Variants in LCMT2 observed in about 807,000 individuals in gnomAD.
LCMT2 encodes tRNA wybutosine-synthesizing protein 4.
Under a neutral mutation model 42.0 loss-of-function variants are expected in LCMT2, and 34 were observed. That is an observed-to-expected ratio of 0.81 (90% CI 0.62 to 1.08). The LOEUF (loss-of-function observed/expected upper bound fraction) is 1.08. Ranked by LOEUF, LCMT2 falls within the 50% of genes least tolerant of loss-of-function variation. The probability of loss-of-function intolerance (pLI) is 0.00; values close to 1 mark genes in which losing one functional copy is unlikely to be tolerated. For synonymous variants in LCMT2, 445 were observed against 369.5 expected, an observed-to-expected ratio of 1.20 and a Z score of -2.34; for missense variants, 1,091 against 889.4, an observed-to-expected ratio of 1.23 and a Z score of -2.88.
Position 43,328,827 on chromosome 15 carries a change from A to C in LCMT2, c.1663T>G (p.Ser555Ala), listed in dbSNP as rs1401705711. 2 of 1,613,590 alleles carry C rather than the reference A, an allele frequency of 1.2e-6. No individual in the cohort carries two copies. The highest frequency in any genetic ancestry group is 3.3e-5 in the Admixed American group (2 of 60,020). Reference sequence around the variant, plus strand: ...AGCACAGAGTTCAATGGCTCCTCAGAAGCCCCGAGACCTCCAGCAATAAGG... The same window carrying C: ...AGCACAGAGTTCAATGGCTCCTCAGCAGCCCCGAGACCTCCAGCAATAAGG... ...GALIAGGLGA[S>A]EEPLNSVLFL... The change falls in exon 1 of 1, where the codon TCT becomes GCT. Residue 555 changes from serine (S) to alanine (A), a missense_variant. Physicochemically the swap from Ser to Ala is moderately conservative, Grantham distance 99. Transcript: ENST00000305641.
rs7048 is a variant in LCMT2 at position 43,327,875 on chromosome 15, A to C, written c.*554T>G. The C allele has an allele frequency of 0.11, 17,025 of 153,880 alleles. 1,084 individuals carry two copies. The highest frequency in any genetic ancestry group is 0.18 in the Middle Eastern group (54 of 294). The allele number at this position is 153,880 out of a possible 1,614,324, so 9.5% of individuals were successfully genotyped here. ...AAAGTATGTTGGTAAAGGAAGTCCTACAAGTGTTTCCTGTTGTTAAAACTA... is the reference window on the plus strand; with the variant it reads ...AAAGTATGTTGGTAAAGGAAGTCCTCCAAGTGTTTCCTGTTGTTAAAACTA... On this transcript the variant is annotated 3_prime_UTR_variant, in exon 1 of 1. Transcript: ENST00000305641.
rs1435434071 is a variant in LCMT2, at chr15:43,330,124, T to C, written c.366A>G (p.Lys122=). The C allele has an allele frequency of 6.2e-7, 1 of 1,611,928 alleles. No individual in the cohort carries two copies. The highest frequency in any genetic ancestry group is 1.7e-5 in the Admixed American group (1 of 60,000). ...CTGGCGTCTCTCCAATCCTTTCTGC[T>C]TTGCGCCGCGCCACGTCCGGAAAAT... ...EVDFPDVARR[K]AERIGETPEL... Residue 122 remains lysine (K), a synonymous_variant, in exon 1 of 1, where the codon AAA becomes AAG. Coordinates refer to ENST00000305641, the MANE Select transcript of LCMT2 (RefSeq NM_014793.5).
In LCMT2 at chr15:43,330,221, G is replaced by C. The variant is rs2043167363; in HGVS notation, c.269C>G (p.Ala90Gly). ...ALRAQILSLG[A>G]GFDSLYFRLK... The stretch of plus-strand genomic sequence containing the variant: ...GCGAAAATAGAGCGAGTCGAAGCCA[G>C]CGCCGAGAGACAAGATCTGCGCGCG... The change falls in exon 1 of 1, where the codon GCT (alanine) becomes GGT (glycine). Residue 90 changes from alanine to glycine, a missense_variant. Physicochemically the swap from Ala to Gly is moderately conservative, Grantham distance 60. Coordinates refer to ENST00000305641, the MANE Select transcript of LCMT2 (RefSeq NM_014793.5). The C allele has an allele frequency of 1.2e-6, 2 of 1,610,798 alleles. No individual in the cohort carries two copies. Among genetic ancestry groups the C allele is most frequent in the Admixed American group, 3.3e-5 (2 of 59,752 alleles).
In LCMT2 at chr15:43,330,339, G is replaced by A. The variant is rs1267838298; in HGVS notation, c.151C>T (p.Leu51Phe). The A allele has an allele frequency of 1.2e-6, 2 of 1,601,676 alleles. No homozygotes were observed. The highest frequency in any genetic ancestry group is 3.5e-5 in the Admixed American group (2 of 57,822). The change falls in exon 1 of 1, where the codon CTC becomes TTC. Residue 51 changes from leucine to phenylalanine, a missense_variant. Transcript: ENST00000305641. The stretch of plus-strand genomic sequence containing the variant: ...CGGACGTAGTAGCCTCGGTGAATGA[G>A]CGGTGCGCGGCGCGCCGCGCCCGGA... ...LVPGAARRAP[L>F]IHRGYYVRAR...
Position 43,328,006 on chromosome 15 carries a change from C to A in LCMT2, c.*423G>T, listed in dbSNP as rs1313435967. On this transcript the variant is annotated 3_prime_UTR_variant, in exon 1 of 1. Transcript: ENST00000305641. ...AATTGTCAATACTACGCTCCCTCAA[C>A]TATATTCAACCAAGGATCTGCGTGA... The A allele has an allele frequency of 5.9e-6, 1 of 170,592 alleles. No homozygotes were observed. The highest frequency in any genetic ancestry group is 1.6e-4 in the East Asian group (1 of 6,368). The allele number at this position is 170,592 out of a possible 1,614,324, so 10.6% of individuals were successfully genotyped here. A position where few individuals can be genotyped will look rare whatever the true frequency, so the allele number is the denominator to read the frequency against.
Position 43,329,400 on chromosome 15 carries a change from A to C in LCMT2, c.1090T>G (p.Phe364Val). The change falls in exon 1 of 1, where the codon TTC (phenylalanine) becomes GTC (valine). Residue 364 changes from phenylalanine (F) to valine (V), a missense_variant. Coordinates refer to ENST00000305641, the MANE Select transcript of LCMT2 (RefSeq NM_014793.5). ...NLKRYGHASVFLSPDVILSAG... is the reference protein window; with the variant it reads ...NLKRYGHASVVLSPDVILSAG... Reference sequence around the variant, plus strand: ...CTGAGAATAACGTCTGGGCTCAAGAAGACAGAGGCGTGGCCATATCTCTTC... The same window carrying C: ...CTGAGAATAACGTCTGGGCTCAAGACGACAGAGGCGTGGCCATATCTCTTC... 2 of 1,614,140 alleles carry C rather than the reference A, an allele frequency of 1.2e-6. No individual in the cohort carries two copies. The highest frequency in any genetic ancestry group is 1.1e-5 in the South Asian group (1 of 91,090).
rs35295618 is a variant in LCMT2, at chr15:43,324,641, G to GCAAA, written c.*3784_*3787dup. 21,584 of 131,640 alleles carry GCAAA rather than the reference G, an allele frequency of 0.16. 1,802 individuals carry two copies. Among genetic ancestry groups the GCAAA allele is most frequent in the Non-Finnish European group, 0.22 (12,769 of 57,700 alleles). The allele number at this position is 131,640 out of a possible 1,614,324, so 8.2% of individuals were successfully genotyped here. ...TCCGTCTCAAAACAAAAAACAAAAA[G>GCAAA]CAAACAAACAAACAAACAAACAAAC... On this transcript the variant is annotated 3_prime_UTR_variant, in exon 1 of 1. Transcript: ENST00000305641.
At position 43,327,847 on chromosome 15, in the gene LCMT2, T is replaced by A. The variant is rs1368927121; in HGVS notation, c.*582A>T. 1 of 153,202 alleles carries A rather than the reference T, an allele frequency of 6.5e-6. No homozygotes were observed. Among genetic ancestry groups the A allele is most frequent in the Non-Finnish European group, 1.5e-5 (1 of 68,726 alleles). 9.5% of individuals were successfully genotyped at this position (153,202 alleles called of 1,614,324 possible). A position where few individuals can be genotyped will look rare whatever the true frequency, so the allele number is the denominator to read the frequency against. Reference sequence around the variant, plus strand: ...AATATGGAACCAATAGCAAAACATTTAAAAAGTATGTTGGTAAAGGAAGTC... The same window carrying A: ...AATATGGAACCAATAGCAAAACATTAAAAAAGTATGTTGGTAAAGGAAGTC... On this transcript the variant is annotated 3_prime_UTR_variant, in exon 1 of 1. Coordinates refer to ENST00000305641, the MANE Select transcript of LCMT2 (RefSeq NM_014793.5).
At position 43,329,544 on chromosome 15, in the gene LCMT2, T is replaced by A. The variant is rs202033510; in HGVS notation, c.946A>T (p.Thr316Ser). ...GGAAACACTAGGGTGTGGGAGAGGGTGTCTCCCCTAGAAGCTGCCAGAATG... is the reference window on the plus strand; with the variant it reads ...GGAAACACTAGGGTGTGGGAGAGGGAGTCTCCCCTAGAAGCTGCCAGAATG... Reference protein sequence around the residue: ...YFILAASRGDTLSHTLVFPSS... With the variant: ...YFILAASRGDSLSHTLVFPSS... Residue 316 changes from threonine to serine, a missense_variant, in exon 1 of 1, where the codon ACC (threonine) becomes TCC (serine). Transcript: ENST00000305641. 3.9e-5 allele frequency: 63 copies of A among 1,614,014 alleles called. 1 individual carries two copies. Among genetic ancestry groups the A allele is most frequent in the Non-Finnish European group, 2.2e-5 (26 of 1,179,956 alleles).
At position 43,328,839 on chromosome 15, in the gene LCMT2, C is replaced by T. The variant is rs764382193; in HGVS notation, c.1651G>A (p.Gly551Ser). The T allele has an allele frequency of 6.2e-7, 1 of 1,613,694 alleles. No individual in the cohort carries two copies. Among genetic ancestry groups the T allele is most frequent in the East Asian group, 2.2e-5 (1 of 44,882 alleles). The change falls in exon 1 of 1, where the codon GGT becomes AGT. Residue 551 changes from glycine (G) to serine (S), a missense_variant. Physicochemically the swap from Gly to Ser is moderately conservative, Grantham distance 56. Coordinates refer to ENST00000305641, the MANE Select transcript of LCMT2 (RefSeq NM_014793.5). ...AATGGCTCCTCAGAAGCCCCGAGACCTCCAGCAATAAGGGCTCCCCCTTGC... is the reference window on the plus strand; with the variant it reads ...AATGGCTCCTCAGAAGCCCCGAGACTTCCAGCAATAAGGGCTCCCCCTTGC... Reference protein sequence around the residue: ...TWQGGALIAGGLGASEEPLNS... With the variant: ...TWQGGALIAGSLGASEEPLNS...
Position 43,330,247 on chromosome 15 carries a change from A to T in LCMT2, c.243T>A (p.Leu81=). 6.2e-7 allele frequency: 1 copy of T among 1,605,790 alleles called. No individual in the cohort carries two copies. The highest frequency in any genetic ancestry group is 8.5e-7 in the Non-Finnish European group (1 of 1,178,626). ...LEQIGAPQAA[L]RAQILSLGAG... ...CGCCGAGAGACAAGATCTGCGCGCG[A>T]AGCGCGGCCTGGGGCGCGCCAATCT... is the stretch of plus-strand genomic sequence containing the variant. The change falls in exon 1 of 1, where the codon CTT becomes CTA. Residue 81 remains leucine (L), a synonymous_variant. Transcript: ENST00000305641.
chr15:43,329,222 G>A lies in LCMT2; in HGVS notation c.1268C>T (p.Thr423Ile). 4 of 1,614,022 alleles carry A rather than the reference G, an allele frequency of 2.5e-6. No homozygotes were observed. Among genetic ancestry groups the A allele is most frequent in the Non-Finnish European group, 3.4e-6 (4 of 1,180,030 alleles). ...CAGAACCCGACTCTCTGAGAGTCTT[G>A]TCATGGTGTGATAAAGGCGTCCATC... ...QWDGRLYHTM[T>I]RLSESRVLVL... Residue 423 changes from threonine to isoleucine, a missense_variant, in exon 1 of 1, where the codon ACA becomes ATA. Physicochemically the swap from Thr to Ile is moderately conservative, Grantham distance 89. Transcript: ENST00000305641.
chr15:43,329,183 C>T lies in LCMT2; in HGVS notation c.1307G>A (p.Arg436Lys). ...SESRVLVLGG[R>K]LSPVSPALGV... Reference sequence around the variant, plus strand: ...CAAGGCTGGACTTACTGGGGACAGTCTCCCTCCCAGAACCAGAACCCGACT... The same window carrying T: ...CAAGGCTGGACTTACTGGGGACAGTTTCCCTCCCAGAACCAGAACCCGACT... The change falls in exon 1 of 1, where the codon AGA (arginine) becomes AAA (lysine). Residue 436 changes from arginine to lysine, a missense_variant. By Grantham distance (26) the Arg-to-Lys change is conservative. Transcript: ENST00000305641. 6.2e-7 allele frequency: 1 copy of T among 1,614,072 alleles called. No homozygotes were observed. The highest frequency in any genetic ancestry group is 8.5e-7 in the Non-Finnish European group (1 of 1,180,034).
rs376922415 is a variant in LCMT2, at chr15:43,330,249, G to C, written c.241C>G (p.Leu81Val). The C allele has an allele frequency of 6.2e-7, 1 of 1,605,488 alleles. No individual in the cohort carries two copies. The highest frequency in any genetic ancestry group is 1.3e-5 in the African/African-American group (1 of 74,234). The part of the protein sequence containing the change: ...LEQIGAPQAA[L>V]RAQILSLGAG... Reference sequence around the variant, plus strand: ...CCGAGAGACAAGATCTGCGCGCGAAGCGCGGCCTGGGGCGCGCCAATCTGC... The same window carrying C: ...CCGAGAGACAAGATCTGCGCGCGAACCGCGGCCTGGGGCGCGCCAATCTGC... The change falls in exon 1 of 1, where the codon CTT (leucine) becomes GTT (valine). Residue 81 changes from leucine (L) to valine (V), a missense_variant. By Grantham distance (32) the Leu-to-Val change is conservative (BLOSUM62 1). Coordinates refer to ENST00000305641, the MANE Select transcript of LCMT2 (RefSeq NM_014793.5).
At position 43,329,105 on chromosome 15, in the gene LCMT2, A is replaced by C. The variant is rs1484735503; in HGVS notation, c.1385T>G (p.Leu462Arg). 6.2e-7 allele frequency: 1 copy of C among 1,614,064 alleles called. No homozygotes were observed. Among genetic ancestry groups the C allele is most frequent in the Admixed American group, 1.7e-5 (1 of 60,022 alleles). ...FKSEDNNTEDLKVTITKAGRK... is the reference protein window; with the variant it reads ...FKSEDNNTEDRKVTITKAGRK... ...GCCAGCCTTTGTTATTGTCACTTTC[A>C]GGTCCTCAGTGTTATTATCCTCACT... Residue 462 changes from leucine (L) to arginine (R), a missense_variant, in exon 1 of 1, where the codon CTG becomes CGG. Physicochemically the swap from Leu to Arg is moderately radical, Grantham distance 102 (BLOSUM62 -2). Transcript: ENST00000305641.
rs553813482 is a variant in LCMT2 at position 43,329,193 on chromosome 15, G to C, written c.1297C>G (p.Leu433Val). The C allele has an allele frequency of 6.2e-7, 1 of 1,613,920 alleles. No homozygotes were observed. The highest frequency in any genetic ancestry group is 8.5e-7 in the Non-Finnish European group (1 of 1,180,046). ...TRLSESRVLV[L>V]GGRLSPVSPA... ...CTTACTGGGGACAGTCTCCCTCCCA[G>C]AACCAGAACCCGACTCTCTGAGAGT... The change falls in exon 1 of 1, where the codon CTG becomes GTG. Residue 433 changes from leucine to valine, a missense_variant. Physicochemically the swap from Leu to Val is conservative, Grantham distance 32. Transcript: ENST00000305641.
rs776323709 is a variant in LCMT2, at chr15:43,329,697, C to A, written c.793G>T (p.Ala265Ser). Residue 265 changes from alanine to serine, a missense_variant, in exon 1 of 1, where the codon GCC becomes TCC. Physicochemically the swap from Ala to Ser is moderately conservative, Grantham distance 99. Coordinates refer to ENST00000305641, the MANE Select transcript of LCMT2 (RefSeq NM_014793.5). ...RRRFLQAGWT[A>S]CGAVDMNEFY... Reference sequence around the variant, plus strand: ...TCATTCATGTCCACGGCACCGCAGGCGGTCCAGCCAGCTTGAAGGAAGCGG... The same window carrying A: ...TCATTCATGTCCACGGCACCGCAGGAGGTCCAGCCAGCTTGAAGGAAGCGG... 2 of 1,613,302 alleles carry A rather than the reference C, an allele frequency of 1.2e-6. No individual in the cohort carries two copies. The highest frequency in any genetic ancestry group is 1.7e-6 in the Non-Finnish European group (2 of 1,179,860).
At position 43,328,867 on chromosome 15, in the gene LCMT2, A is replaced by G. The variant is rs1428602644; in HGVS notation, c.1623T>C (p.Thr541=). The G allele has an allele frequency of 1.2e-6, 2 of 1,613,824 alleles. No homozygotes were observed. The highest frequency in any genetic ancestry group is 1.7e-6 in the Non-Finnish European group (2 of 1,179,988). ...PEARHSHSAC[T]WQGGALIAGG... ...CAGCAATAAGGGCTCCCCCTTGCCA[A>G]GTGCAGGCACTGTGAGAATGCCGGG... Residue 541 remains threonine, a synonymous_variant, in exon 1 of 1, where the codon ACT becomes ACC. Transcript: ENST00000305641.
rs2142445381 is a variant in LCMT2, at chr15:43,327,605, T to A, written c.*824A>T. ...GGAATAAATACCAACTCACTCTCAC[T>A]CTTCTTTTTGCCCCCATTCCCCTCT... is the stretch of plus-strand genomic sequence containing the variant. On this transcript the variant is annotated 3_prime_UTR_variant, in exon 1 of 1. Transcript: ENST00000305641. The A allele has an allele frequency of 6.6e-6, 1 of 152,358 alleles. No homozygotes were observed. The highest frequency in any genetic ancestry group is 2.1e-4 in the South Asian group (1 of 4,826). 9.4% of individuals were successfully genotyped at this position (152,358 alleles called of 1,614,324 possible).
Sources: allele counts gnomAD v4.1 joint callset, GRCh38; gene constraint gnomAD v4.1.1; transcripts MANE v1.5; gene names NCBI Gene and HGNC (gene_info 2026-07-23, HGNC 2026-07-21).